USH2A: variants seen among roughly 807,000 people sequenced by gnomAD.
USH2A encodes usherin.
Under a neutral mutation model 538.9 loss-of-function variants are expected in USH2A, and 443 were observed. That is an observed-to-expected ratio of 0.82 (90% CI 0.76 to 0.89). The LOEUF is 0.89. Among genes scored for constraint, USH2A ranks in the 40% least tolerant of loss-of-function variants. The probability of loss-of-function intolerance (pLI) is 0.00; values close to 1 mark genes in which losing one functional copy is unlikely to be tolerated. For synonymous variants in USH2A, 2,413 were observed against 2,273.5 expected (o/e 1.06, Z -1.75); for missense variants, 6,633 against 6,324.8 (o/e 1.05, Z -1.65).
chr1:215,912,997 G>C (rs76272700), intron 38 of USH2A, among the ~76,000 whole-genome samples: 1 of 151,990 alleles, frequency 6.6e-6, no homozygotes, highest in Non-Finnish European at 1.5e-5. Flanking sequence ...TGCCAGGCTG[G>C]GATTCAAACA....
chr1:216,159,571 C>CAG (rs1553309029), intron 21 of USH2A, among the ~76,000 whole-genome samples: 96 of 145,232 alleles, frequency 6.6e-4, no homozygotes, highest in Non-Finnish European at 1.1e-3. Flanking sequence ...CACACACACA[C>CAG]AGAGAATATT....
intron 23 of USH2A, among the ~76,000 whole-genome samples, chr1:216,087,176 A>C (rs374130749): frequency 6.6e-6 from 1 of 152,120 alleles, no homozygotes; most frequent in African/African-American, 2.4e-5. Flanking sequence ...ATCCCTGTTC[A>C]TATTTCTAAT....
At chr1:216,015,251 A>C (rs1211402033) in intron 32 of USH2A, among the ~76,000 whole-genome samples, 1 of 152,116 alleles carries the variant, frequency 6.6e-6, no homozygotes, top group African/African-American at 2.4e-5. Context: ...TCGGCAGCAA[A>C]CCTAAGGGGT....
At chr1:215,938,850 C>T (rs1332249521) in intron 37 of USH2A, among the ~76,000 whole-genome samples, 2 of 152,076 alleles carry the variant, frequency 1.3e-5, no homozygotes, top group Non-Finnish European at 2.9e-5. Context: ...CCAGGCACAA[C>T]CTACATCAAA....
chr1:216,408,124 T>C (rs897388688), intron 3 of USH2A, among the ~76,000 whole-genome samples: 4 of 152,214 alleles, frequency 2.6e-5, no homozygotes, highest in Admixed American at 6.6e-5. Flanking sequence ...TCTTCAAATA[T>C]CAGTTTTCAT....
intron 30 of USH2A, among the ~76,000 whole-genome samples, chr1:216,059,136 G>A (rs2031085906): frequency 6.6e-6 from 1 of 152,116 alleles, no homozygotes; most frequent in Non-Finnish European, 1.5e-5. Flanking sequence ...TATAGAGAGA[G>A]AGCATATTTA....
chr1:216,189,005 T>C (rs1287014086), intron 20 of USH2A, among the ~76,000 whole-genome samples: 1 of 151,966 alleles, frequency 6.6e-6, no homozygotes, highest in African/African-American at 2.4e-5. Context: ...ATATTCAGCA[T>C]TCAGTAAACC....
chr1:215,747,891 G>GTTTTT (rs971161483), intron 58 of USH2A, among the ~76,000 whole-genome samples: 1 of 93,368 alleles, frequency 1.1e-5, no homozygotes, highest in African/African-American at 3.8e-5. Context: ...TGTTTGTTTG[G>GTTTTT]TTTTTTTTTT....
At chr1:216,146,699 T>C (rs2033712858) in intron 21 of USH2A, among the ~76,000 whole-genome samples, 1 of 152,036 alleles carries the variant, frequency 6.6e-6, no homozygotes, top group Admixed American at 6.6e-5. Context: ...ATCCCTTATT[T>C]CCGTGTCCCA....
At chr1:215,789,989 A>C in intron 51 of USH2A, 70 bp downstream of exon 51, 1 of 1,460,150 alleles carries the variant, frequency 6.8e-7, no homozygotes, top group Non-Finnish European at 9.4e-7. Context: ...TTTTAGAAAA[A>C]TAGTTATGAA....
chr1:215,932,559 T>C (rs1030341756), intron 38 of USH2A, among the ~76,000 whole-genome samples: 2 of 152,032 alleles, frequency 1.3e-5, no homozygotes, highest in African/African-American at 4.8e-5. Context: ...AAGCTATACG[T>C]TTCCTAATTG....
chr1:216,319,627 C>T (rs1355293873), intron 9 of USH2A, among the ~76,000 whole-genome samples: 7 of 152,040 alleles, frequency 4.6e-5, no homozygotes, highest in Non-Finnish European at 1.0e-4. Context: ...AAGTTTTGGT[C>T]TGAGCACATA....
intron 23 of USH2A, chr1:216,087,032 C>T: frequency 1.9e-6 from 1 of 514,192 alleles, no homozygotes; most frequent in South Asian, 1.9e-5. Context: ...CCTCTCAGGC[C>T]TCTTCCTTTC....
intron 61 of USH2A, among the ~76,000 whole-genome samples, chr1:215,708,924 T>C (rs1433344169): frequency 6.6e-6 from 1 of 152,210 alleles, no homozygotes; most frequent in African/African-American, 2.4e-5. Context: ...GTTTTAAGTA[T>C]ACTAACTTTG....
At chr1:215,817,599 C>T (rs935235215) in intron 47 of USH2A, among the ~76,000 whole-genome samples, 4 of 151,944 alleles carry the variant, frequency 2.6e-5, no homozygotes, top group East Asian at 1.9e-4. Context: ...AACATAACTG[C>T]TCAGAGATGC....
intron 13 of USH2A, among the ~76,000 whole-genome samples, chr1:216,235,580 T>C (rs1343318893): frequency 6.6e-6 from 1 of 152,174 alleles, no homozygotes; most frequent in Non-Finnish European, 1.5e-5. Context: ...GAGAAGAATC[T>C]ACAGAGTTCA....
chr1:216,339,437 A>G (rs1414717811), intron 4 of USH2A, among the ~76,000 whole-genome samples: 1 of 151,720 alleles, frequency 6.6e-6, no homozygotes, highest in Middle Eastern at 3.2e-3. Flanking sequence ...ATCTAATAAT[A>G]AAAGTATAAG....
rs532045141 is a variant in USH2A, at chr1:215,947,024, A to G, written c.7121-12229T>C. On this transcript the variant is annotated intron_variant, in intron 37 of 71. Coordinates refer to ENST00000307340, the MANE Select transcript of USH2A (RefSeq NM_206933.4). ...AATAATGATATTTTAGATAGATTGT[A>G]TTAAATAAGGTATATTACTTTTTTT... 2.0e-5 allele frequency among the ~76,000 whole-genome samples: 3 copies of G among 149,318 alleles called. No individual in the cohort carries two copies. In the Admixed American group the frequency reaches 2.1e-4, roughly 10 times the overall value.
chr1:215,626,428 C>T (rs2102622053), intron 71 of USH2A, among the ~76,000 whole-genome samples: 1 of 151,772 alleles, frequency 6.6e-6, no homozygotes, highest in East Asian at 1.9e-4. Context: ...TATATATACA[C>T]ACATATATAT....
Sources: allele counts gnomAD v4.1 joint callset (sites outside exome capture counted in the v4.1 genomes callset), GRCh38; gene constraint gnomAD v4.1.1; transcripts MANE v1.5; gene names NCBI Gene and HGNC (gene_info 2026-07-23, HGNC 2026-07-21).